Variants in PARG observed in about 807,000 individuals in gnomAD.
PARG encodes the protein mitochondrial poly(ADP-ribose) glycohydrolase.
A neutral mutation model predicts 113.0 loss-of-function variants in PARG; 35 were observed. The observed-to-expected ratio is 0.31, with a 90% CI of 0.24 to 0.41. The LOEUF is 0.41. PARG is among the 10% of genes least tolerant of loss of function. The pLI is 1.00. For synonymous variants in PARG, 330 were observed against 409.9 expected, an observed-to-expected ratio of 0.81 and a Z score of 2.36; for missense variants, 797 against 1,169.4, an observed-to-expected ratio of 0.68 and a Z score of 4.64.
chr10:49,886,842 T>C (rs1554840523), intron 7 of PARG, among the ~76,000 whole-genome samples: 1 of 152,186 alleles, frequency 6.6e-6, no homozygotes, highest in African/African-American at 2.4e-5. Flanking sequence ...GTCAAATGAC[T>C]GCCTCTTTAT....
chr10:49,939,894 C>A (rs1838938530), intron 1 of PARG, among the ~76,000 whole-genome samples: 1 of 152,206 alleles, frequency 6.6e-6, no homozygotes, highest in Non-Finnish European at 1.5e-5. Flanking sequence ...CTCTGCCCAG[C>A]CTCTTACACT....
chr10:49,940,852 T>C (rs1401541577), intron 1 of PARG, among the ~76,000 whole-genome samples: 7 of 152,142 alleles, frequency 4.6e-5, no homozygotes, highest in African/African-American at 7.2e-5. Flanking sequence ...AAACACTTCT[T>C]ACTTCCTCTT....
intron 7 of PARG, among the ~76,000 whole-genome samples, chr10:49,901,049 T>A (rs1554843701): frequency 6.6e-6 from 1 of 151,646 alleles, no homozygotes; most frequent in East Asian, 1.9e-4. Flanking sequence ...TAGTTTATAC[T>A]TTTAAATAAT....
chr10:49,843,192 T>C (rs184663940), intron 14 of PARG, among the ~76,000 whole-genome samples: 4 of 152,334 alleles, frequency 2.6e-5, no homozygotes, highest in African/African-American at 9.6e-5. Context: ...AAATTAAAGA[T>C]AACTTAATAA....
At chr10:49,856,062 C>CA (rs1176061568) in intron 13 of PARG, among the ~76,000 whole-genome samples, 8 of 144,228 alleles carry the variant, frequency 5.5e-5, no homozygotes, top group Admixed American at 2.1e-4. Context: ...TCTGAAGAAA[C>CA]AAAAAAAAAT....
At position 49,932,141 on chromosome 10, in the gene PARG, G is replaced by A. The variant is rs1838516872; in HGVS notation, c.1414C>T (p.Pro472Ser). The change falls in exon 4 of 18, where the codon CCT becomes TCT. Residue 472 changes from proline to serine, a missense_variant. Pro to Ser is a moderately conservative substitution (Grantham distance 74). Around this residue, in one of 5 missense-constraint regions of PARG, gnomAD observed 252 missense variants for 437.4 expected, o/e 0.58. Transcript: ENST00000616448. The part of the protein sequence containing the change: ...RRMPRCGIRL[P>S]LLRPSANHTV... ...TGATTGGCAGATGGTCTCAAGAGAG[G>A]CAGCCGGATCCCACACCGAGGCATT... 5 of 1,605,654 alleles carry A rather than the reference G, an allele frequency of 3.1e-6. No individual in the cohort carries two copies. The highest frequency in any genetic ancestry group is 4.3e-6 in the Non-Finnish European group (5 of 1,172,430).
intron 8 of PARG, among the ~76,000 whole-genome samples, chr10:49,880,642 C>T (rs1451500987): frequency 6.6e-6 from 1 of 152,068 alleles, no homozygotes; most frequent in Non-Finnish European, 1.5e-5. Context: ...CCCCTCCTCT[C>T]GACCAAGGGG....
chr10:49,905,230 G>C (rs1848526201), intron 7 of PARG, among the ~76,000 whole-genome samples: 1 of 152,302 alleles, frequency 6.6e-6, no homozygotes, highest in Non-Finnish European at 1.5e-5. Flanking sequence ...TATTAAGTAG[G>C]AGCAGACTGA....
At chr10:49,927,385 A>G (rs570052784) in intron 4 of PARG, among the ~76,000 whole-genome samples, 1,194 of 55,254 alleles carry the variant, frequency 0.022, 17 homozygotes, top group Middle Eastern at 0.057. Flanking sequence ...AAAGAAAGAA[A>G]GAAAGAAAGA....
chr10:49,905,863 A>AAT (rs1848559687), intron 7 of PARG, among the ~76,000 whole-genome samples: 1 of 152,202 alleles, frequency 6.6e-6, no homozygotes, highest in African/African-American at 2.4e-5. Flanking sequence ...CCAGGGGATA[A>AAT]TCAGGTCCAA....
Position 49,860,342 on chromosome 10 carries a change from G to GT in PARG, c.2205+1245dup, listed in dbSNP as rs1254268325. 7.3e-3 allele frequency among the ~76,000 whole-genome samples: 1,093 copies of GT among 150,206 alleles called. 5 individuals carry two copies. Among genetic ancestry groups the GT allele is most frequent in the Non-Finnish European group, 0.012 (813 of 67,534 alleles). ...AGCAGTAACTTTGTTTAGTTCATGTGTATTAAGAATCTCTCAGTTTATCCA... is the reference window on the plus strand; with the variant it reads ...AGCAGTAACTTTGTTTAGTTCATGTGTTATTAAGAATCTCTCAGTTTATCCA... On this transcript the variant is annotated intron_variant, in intron 12 of 17. Transcript: ENST00000616448.
At chr10:49,927,565 C>G (rs1327468157) in intron 4 of PARG, among the ~76,000 whole-genome samples, 1 of 151,996 alleles carries the variant, frequency 6.6e-6, no homozygotes, top group African/African-American at 2.4e-5. Context: ...TACAGAAGAA[C>G]AGCCTAAAAG....
rs1229236531 is a variant in PARG, at chr10:49,940,379, A to G, written c.217+1130T>C. Among the ~76,000 whole-genome samples the G allele has an allele frequency of 6.9e-5, 10 of 145,340 alleles. No individual in the cohort carries two copies. In the Admixed American group the frequency reaches 7.0e-4, roughly 10 times the overall value. ...CTAAAAACCCTTGAGTAGCTTATCA[A>G]TGCCCTTAGAGTTCAAAATCCTTAG... On this transcript the variant is annotated intron_variant, in intron 1 of 17. Coordinates refer to ENST00000616448, the MANE Select transcript of PARG (RefSeq NM_003631.5).
chr10:49,832,803 CT>C lies in PARG; in HGVS notation c.2646del (p.Ala883ProfsTer2), dbSNP rs1318233431. 3.9e-6 allele frequency: 6 copies of C among 1,524,828 alleles called. No individual in the cohort carries two copies. The highest frequency in any genetic ancestry group is 5.3e-6 in the Non-Finnish European group (6 of 1,124,330). The allele number at this position is 1,524,828 out of a possible 1,614,324, so 94.5% of individuals were successfully genotyped here. Reference sequence around the variant, plus strand: ...TTTATCCTTTTCTACAACAACTTACCTTTTAACCTGGCATCACCCCCAAAGG... The same window carrying C: ...TTTATCCTTTTCTACAACAACTTACCTTTAACCTGGCATCACCCCCAAAGG... ...CGAFGGDARL[K>X]ALIQILAAAA... is the part of the protein sequence containing the mutation. On this transcript the variant is annotated frameshift_variant and splice_region_variant, in exon 16 of 18. Transcript: ENST00000616448. LOFTEE classifies it high-confidence loss of function.
At chr10:49,855,083 C>T (rs1422121150) in intron 13 of PARG, among the ~76,000 whole-genome samples, 1 of 149,822 alleles carries the variant, frequency 6.7e-6, no homozygotes, top group Admixed American at 6.6e-5. Flanking sequence ...TATACTGAAA[C>T]AACTAAAGAA....
chr10:49,859,507 T>A (rs1428957885), intron 12 of PARG, among the ~76,000 whole-genome samples: 1 of 151,878 alleles, frequency 6.6e-6, no homozygotes, highest in South Asian at 2.1e-4. Flanking sequence ...AGAAATAAAA[T>A]GGACTGTACT....
intron 7 of PARG, among the ~76,000 whole-genome samples, chr10:49,911,399 T>C (rs1837174619): frequency 6.6e-6 from 1 of 152,068 alleles, no homozygotes; most frequent in Non-Finnish European, 1.5e-5. Context: ...CAGGAGTAAG[T>C]ATATTGATTC....
intron 7 of PARG, among the ~76,000 whole-genome samples, chr10:49,914,812 G>C (rs2132839968): frequency 6.6e-6 from 1 of 152,308 alleles, no homozygotes; most frequent in East Asian, 1.9e-4. Flanking sequence ...TTTTGAAAAG[G>C]TGCCAAGACA....
intron 12 of PARG, among the ~76,000 whole-genome samples, chr10:49,860,189 C>A (rs1470959631): frequency 1.3e-5 from 2 of 152,162 alleles, no homozygotes; most frequent in African/African-American, 4.8e-5. Flanking sequence ...TCTAATCTAC[C>A]GAGGTCTCAC....
Sources: allele counts gnomAD v4.1 joint callset (sites outside exome capture counted in the v4.1 genomes callset), GRCh38; gene constraint gnomAD v4.1.1; regional missense constraint gnomAD v4.1.1; transcripts MANE v1.5; gene names NCBI Gene and HGNC (gene_info 2026-07-23, HGNC 2026-07-21).